PARD3: variants seen among roughly 807,000 people sequenced by gnomAD.
PARD3 encodes par-3 family cell polarity regulator, also known as partitioning defective 3 homolog.
Under a neutral mutation model 155.4 loss-of-function variants are expected in PARD3, and 75 were observed. The observed-to-expected ratio is 0.48, with a 90% CI of 0.40 to 0.58. The LOEUF is 0.58. Ranked by LOEUF, PARD3 falls within the 20% of genes least tolerant of loss-of-function variation. The pLI, the probability that PARD3 is intolerant of heterozygous loss-of-function variation, is 0.00. For synonymous variants in PARD3, 576 were observed against 610.5 expected, an observed-to-expected ratio of 0.94 and a Z score of 0.83; for missense variants, 1,642 against 1,721.7, an observed-to-expected ratio of 0.95 and a Z score of 0.82.
intron 2 of PARD3, among the ~76,000 whole-genome samples, chr10:34,646,301 T>C (rs1370440696): frequency 6.6e-6 from 1 of 152,180 alleles, no homozygotes; most frequent in Non-Finnish European, 1.5e-5. Context: ...ATTTAGAAAA[T>C]AATATACTTT....
intron 18 of PARD3, among the ~76,000 whole-genome samples, chr10:34,334,806 C>A (rs903189166): frequency 6.6e-6 from 1 of 150,924 alleles, no homozygotes; most frequent in African/African-American, 2.4e-5. Context: ...ACTATAAAAT[C>A]TGCCTTGAAA....
chr10:34,641,482 A>C (rs940275541), intron 2 of PARD3, among the ~76,000 whole-genome samples: 1 of 152,168 alleles, frequency 6.6e-6, no homozygotes, highest in African/African-American at 2.4e-5. Flanking sequence ...CTTTGACTGA[A>C]CAGTGGTCTT....
intron 1 of PARD3, among the ~76,000 whole-genome samples, chr10:34,768,579 G>C (rs139524306): frequency 3.9e-4 from 59 of 152,352 alleles, no homozygotes; most frequent in African/African-American, 1.3e-3. Context: ...ATGGGCGGCA[G>C]GTTTGCCCTG....
At chr10:34,654,143 TA>T (rs2093098251) in intron 2 of PARD3, among the ~76,000 whole-genome samples, 3 of 145,104 alleles carry the variant, frequency 2.1e-5, no homozygotes, top group Non-Finnish European at 4.5e-5. Flanking sequence ...TAGGTGTAGA[TA>T]AACACATTTG....
chr10:34,591,232 A>G (rs1409246518), intron 2 of PARD3, among the ~76,000 whole-genome samples: 1 of 152,128 alleles, frequency 6.6e-6, no homozygotes, highest in African/African-American at 2.4e-5. Flanking sequence ...CCAATAATAA[A>G]TAAATCTTAC....
chr10:34,309,177 T>C (rs1266198965), intron 20 of PARD3, among the ~76,000 whole-genome samples: 1 of 151,996 alleles, frequency 6.6e-6, no homozygotes, highest in Non-Finnish European at 1.5e-5. Flanking sequence ...CATGAGATCG[T>C]AGTTGGAGAG....
chr10:34,311,822 T>C (rs575523697), intron 20 of PARD3, among the ~76,000 whole-genome samples: 1 of 152,274 alleles, frequency 6.6e-6, no homozygotes, highest in Non-Finnish European at 1.5e-5. Flanking sequence ...AAAGGCCCTT[T>C]CAAACTGGTC....
At chr10:34,783,643 C>G (rs1019398665) in intron 1 of PARD3, among the ~76,000 whole-genome samples, 2 of 146,562 alleles carry the variant, frequency 1.4e-5, no homozygotes, top group Non-Finnish European at 3.0e-5. Flanking sequence ...TGTAAGTCCT[C>G]TTGCACATTT....
chr10:34,473,698 T>C (rs1466299731), intron 3 of PARD3, among the ~76,000 whole-genome samples: 2 of 152,218 alleles, frequency 1.3e-5, no homozygotes, highest in Admixed American at 1.3e-4. Context: ...CCAGCTGTCA[T>C]GTCAGTTTAC....
intron 2 of PARD3, among the ~76,000 whole-genome samples, chr10:34,629,506 G>A (rs936196718): frequency 6.6e-6 from 1 of 152,238 alleles, no homozygotes; most frequent in African/African-American, 2.4e-5. Flanking sequence ...TTTGGGAATA[G>A]GTTTTGCTGC....
chr10:34,294,285 C>G (rs1956805100), intron 20 of PARD3, among the ~76,000 whole-genome samples: 1 of 152,210 alleles, frequency 6.6e-6, no homozygotes, highest in South Asian at 2.1e-4. Flanking sequence ...GTTTCAACTA[C>G]TGACAGGAAG....
chr10:34,700,148 G>C (rs2094247667), intron 1 of PARD3, among the ~76,000 whole-genome samples: 1 of 152,180 alleles, frequency 6.6e-6, no homozygotes, highest in Non-Finnish European at 1.5e-5. Flanking sequence ...TGATCAAGCA[G>C]TGAATGTCCT....
rs1168470758 is a variant in PARD3 at position 34,109,746 on chromosome 10, A to C, written c.*1423T>G. 4.6e-5 allele frequency: 7 copies of C among 152,162 alleles called. No individual in the cohort carries two copies. Among genetic ancestry groups the C allele is most frequent in the African/African-American group, 1.7e-4 (7 of 41,434 alleles). 9.4% of individuals were successfully genotyped at this position (152,162 alleles called of 1,614,324 possible). A position where few individuals can be genotyped will look rare whatever the true frequency, so the allele number is the denominator to read the frequency against. ...GAACCATGACACAGAAATGCAGAAG[A>C]GACACGGGTACGTGTGTGGACACAT... On this transcript the variant is annotated 3_prime_UTR_variant, in exon 25 of 25. Coordinates refer to ENST00000374788, the MANE Select transcript of PARD3 (RefSeq NM_001184785.2).
At chr10:34,468,086 T>C (rs528101192) in intron 4 of PARD3, among the ~76,000 whole-genome samples, 3 of 152,204 alleles carry the variant, frequency 2.0e-5, no homozygotes, top group African/African-American at 7.2e-5. Context: ...GTATAGTGTG[T>C]AGTAGGCAGG....
intron 22 of PARD3, among the ~76,000 whole-genome samples, chr10:34,232,739 T>C (rs1952997948): frequency 2.0e-5 from 3 of 152,126 alleles, no homozygotes. Flanking sequence ...CTTGCTGTAT[T>C]GCCCAAGCGG....
At chr10:34,405,079 A>AAC (rs200596601) in intron 5 of PARD3, among the ~76,000 whole-genome samples, 5,298 of 59,324 alleles carry the variant, frequency 0.089, 107 homozygotes, top group Middle Eastern at 0.15. Flanking sequence ...CACAAACACA[A>AAC]ACACACACAC....
At chr10:34,190,163 A>G (rs748061639) in intron 22 of PARD3, among the ~76,000 whole-genome samples, 29 of 152,244 alleles carry the variant, frequency 1.9e-4, no homozygotes, top group Non-Finnish European at 2.6e-4. Context: ...TCACATTACA[A>G]TAACTAGTAA....
chr10:34,331,160 A>G lies in PARD3; in HGVS notation c.2790T>C (p.Tyr930=), dbSNP rs781227573. 5 of 1,613,870 alleles carry G rather than the reference A, an allele frequency of 3.1e-6. 1 individual carries two copies. In the South Asian group the frequency reaches 3.3e-5, roughly 11 times the overall value. ...ESFRAAIDKS[Y]DKPAVDDDDE... ...CATCATCATCTACCGCGGGTTTATCATAAGATTTGTCGATGGCAGCTCTGA... is the reference window on the plus strand; with the variant it reads ...CATCATCATCTACCGCGGGTTTATCGTAAGATTTGTCGATGGCAGCTCTGA... The change falls in exon 19 of 25, where the codon TAT becomes TAC. Residue 930 remains tyrosine, a synonymous_variant. Coordinates refer to ENST00000374788, the MANE Select transcript of PARD3 (RefSeq NM_001184785.2).
chr10:34,337,266 T>G lies in PARD3; in HGVS notation c.2560+9A>C, dbSNP rs753560164. 6 of 1,541,722 alleles carry G rather than the reference T, an allele frequency of 3.9e-6. No individual in the cohort carries two copies. The highest frequency in any genetic ancestry group is 1.4e-5 in the African/African-American group (1 of 71,540). ...TATTTAGATAAAGATTCATGGAGAT[T>G]GTACTCACTACCTAAATCCATGCTT... is the stretch of plus-strand genomic sequence containing the variant. On this transcript the variant is annotated intron_variant, in intron 17 of 24. Transcript: ENST00000374788.
Sources: allele counts gnomAD v4.1 joint callset (sites outside exome capture counted in the v4.1 genomes callset), GRCh38; gene constraint gnomAD v4.1.1; transcripts MANE v1.5; gene names NCBI Gene and HGNC (gene_info 2026-07-23, HGNC 2026-07-21).